Variants in FRMD4B observed in about 807,000 individuals in gnomAD.
FRMD4B encodes FERM domain containing 4B.
A neutral mutation model predicts 141.5 loss-of-function variants in FRMD4B; 74 were observed. That is an observed-to-expected ratio of 0.52 (90% CI 0.43 to 0.63). The LOEUF is 0.63. Among genes scored for constraint, FRMD4B ranks in the 30% least tolerant of loss-of-function variants. The pLI is 0.00. For missense variants in FRMD4B, 1,366 were observed against 1,253.4 expected (o/e 1.09, Z -1.36); for synonymous variants, 506 against 467.9 (o/e 1.08, Z -1.05).
At chr3:69,375,665 TTAAAA>T (rs3032136) in intron 1 of FRMD4B, among the ~76,000 whole-genome samples, 141,746 of 151,988 alleles carry the variant, frequency 0.93, 66,101 homozygotes, top group East Asian at 0.97. Context: ...GTCATTTCTC[TTAAAA>T]TAAAGCAGCA....
At chr3:69,362,128 A>G (rs956663906) in intron 1 of FRMD4B, among the ~76,000 whole-genome samples, 1 of 152,232 alleles carries the variant, frequency 6.6e-6, no homozygotes, top group African/African-American at 2.4e-5. Flanking sequence ...TAGATTAATA[A>G]TAACAAGCAC....
chr3:69,458,322 T>C (rs1705650954), intron 1 of FRMD4B, among the ~76,000 whole-genome samples: 1 of 152,176 alleles, frequency 6.6e-6, no homozygotes, highest in Non-Finnish European at 1.5e-5. Flanking sequence ...ACACAGTCTA[T>C]GCTCACAGAG....
intron 11 of FRMD4B, among the ~76,000 whole-genome samples, chr3:69,206,776 T>A (rs2093028006): frequency 6.6e-6 from 1 of 152,186 alleles, no homozygotes; most frequent in Admixed American, 6.5e-5. Flanking sequence ...TGGCAGGGAT[T>A]GTGGCTTTTT....
At chr3:69,493,218 A>G (rs1706330627) in intron 1 of FRMD4B, among the ~76,000 whole-genome samples, 1 of 152,200 alleles carries the variant, frequency 6.6e-6, no homozygotes, top group African/African-American at 2.4e-5. Context: ...CAATTTATCA[A>G]ATTAAGAGGG....
chr3:69,318,950 T>C (rs1701897185), intron 1 of FRMD4B, among the ~76,000 whole-genome samples: 1 of 152,194 alleles, frequency 6.6e-6, no homozygotes, highest in Non-Finnish European at 1.5e-5. Context: ...GCCAGGCTCC[T>C]GGGAGGTGTG....
At chr3:69,386,126 T>G, upstream of FRMD4B, 1 of 795,402 alleles carries the variant, frequency 1.3e-6, no homozygotes, top group South Asian at 2.1e-5. Flanking sequence ...AAACTCGTCT[T>G]TCACCGTGCG....
intron 1 of FRMD4B, among the ~76,000 whole-genome samples, chr3:69,476,209 T>G (rs1453891973): frequency 6.6e-6 from 1 of 151,778 alleles, no homozygotes; most frequent in East Asian, 1.9e-4. Flanking sequence ...TTAGTTTAAT[T>G]AGATCCCATT....
chr3:69,433,952 C>T (rs192434530), intron 1 of FRMD4B, among the ~76,000 whole-genome samples: 1 of 152,206 alleles, frequency 6.6e-6, no homozygotes, highest in Admixed American at 6.5e-5. Flanking sequence ...AAATGAGGTA[C>T]AGAAAGAGAG....
chr3:69,389,475 G>A (rs572893334), upstream of FRMD4B, among the ~76,000 whole-genome samples: 6 of 152,322 alleles, frequency 3.9e-5, no homozygotes, highest in East Asian at 7.7e-4. Context: ...GAGCAGTTCT[G>A]TTGCTCTTTC....
intron 22 of FRMD4B, among the ~76,000 whole-genome samples, chr3:69,174,678 TA>T (rs1385943692): frequency 6.6e-6 from 1 of 152,130 alleles, no homozygotes; most frequent in South Asian, 2.1e-4. Context: ...GCAGACTTGG[TA>T]AAAACAGATT....
chr3:69,181,246 A>T lies in FRMD4B; in HGVS notation c.2504T>A (p.Val835Asp). 6.2e-7 allele frequency: 1 copy of T among 1,613,756 alleles called. No individual in the cohort carries two copies. Among genetic ancestry groups the T allele is most frequent in the South Asian group, 1.1e-5 (1 of 91,074 alleles). ...YENDTEGQYS[V>D]NPSYRSSAHY... The stretch of plus-strand genomic sequence containing the variant: ...GGCTGAGGACCGGTAGGAAGGGTTG[A>T]CACTATACTGTCCCTCGGTGTCATT... The change falls in exon 21 of 23, where the codon GTC (valine) becomes GAC (aspartate). Residue 835 changes from valine to aspartate, a missense_variant. Physicochemically the swap from Val to Asp is radical, Grantham distance 152. Coordinates refer to ENST00000398540, the MANE Select transcript of FRMD4B (RefSeq NM_015123.3).
intron 1 of FRMD4B, among the ~76,000 whole-genome samples, chr3:69,451,063 T>C (rs953541810): frequency 1.3e-5 from 2 of 152,166 alleles, no homozygotes; most frequent in African/African-American, 4.8e-5. Flanking sequence ...TCAGAAAGAA[T>C]GTGGCTCCCT....
chr3:69,345,403 TC>T (rs1232194840), intron 1 of FRMD4B, among the ~76,000 whole-genome samples: 1 of 152,196 alleles, frequency 6.6e-6, no homozygotes, highest in Non-Finnish European at 1.5e-5. Context: ...AGACTCCATC[TC>T]TGGGGGCAGG....
intron 1 of FRMD4B, among the ~76,000 whole-genome samples, chr3:69,346,051 T>C (rs1702927949): frequency 6.6e-6 from 1 of 151,996 alleles, no homozygotes; most frequent in African/African-American, 2.4e-5. Context: ...AGGAGGAAGT[T>C]TGAACCCATC....
chr3:69,228,509 G>A, intron 7 of FRMD4B: 1 of 451,130 alleles, frequency 2.2e-6, no homozygotes, highest in Non-Finnish European at 4.5e-6. Context: ...GACTCTGTGT[G>A]ATAGAGATCA....
At chr3:69,454,013 T>C (rs1202039925) in intron 1 of FRMD4B, among the ~76,000 whole-genome samples, 4 of 152,160 alleles carry the variant, frequency 2.6e-5, no homozygotes, top group Non-Finnish European at 5.9e-5. Context: ...GCACCCATGT[T>C]TGCCTCCTCC....
chr3:69,212,370 A>AAAAG (rs2093091724), intron 11 of FRMD4B, among the ~76,000 whole-genome samples: 1 of 91,834 alleles, frequency 1.1e-5, no homozygotes, highest in East Asian at 2.9e-4. Flanking sequence ...AAAAAAAAAA[A>AAAAG]AAAAAAAAAA....
chr3:69,455,729 A>G (rs1206186947), intron 1 of FRMD4B, among the ~76,000 whole-genome samples: 1 of 152,198 alleles, frequency 6.6e-6, no homozygotes, highest in Admixed American at 6.5e-5. Flanking sequence ...TAATTTTTCC[A>G]AAGTTTTAAC....
intron 1 of FRMD4B, among the ~76,000 whole-genome samples, chr3:69,456,482 C>T (rs1475035475): frequency 3.3e-5 from 5 of 151,760 alleles, no homozygotes; most frequent in African/African-American, 4.9e-5. Context: ...ATTAAATGCC[C>T]GTAAAGGAGA....
Sources: allele counts gnomAD v4.1 joint callset (sites outside exome capture counted in the v4.1 genomes callset), GRCh38; gene constraint gnomAD v4.1.1; transcripts MANE v1.5; gene names NCBI Gene and HGNC (gene_info 2026-07-23, HGNC 2026-07-21).